ACSS3: variants seen among roughly 807,000 people sequenced by gnomAD.
ACSS3 encodes the protein acyl-CoA synthetase short-chain family member 3, mitochondrial.
In ACSS3, 64 loss-of-function variants were observed where a neutral mutation model predicts 84.2. The observed-to-expected ratio is 0.76, with a 90% CI of 0.62 to 0.94. The LOEUF is 0.94. ACSS3 is among the 40% of genes least tolerant of loss of function. ACSS3 has a pLI of 0.00. For synonymous variants in ACSS3, 317 were observed against 310.1 expected, an observed-to-expected ratio of 1.02 and a Z score of -0.23; for missense variants, 815 against 867.6, an observed-to-expected ratio of 0.94 and a Z score of 0.76.
intron 10 of ACSS3, among the ~76,000 whole-genome samples, chr12:81,218,461 G>A (rs139814137): frequency 6.6e-6 from 1 of 152,220 alleles, no homozygotes; most frequent in East Asian, 1.9e-4. Flanking sequence ...ACAATGGCTA[G>A]TTACAAAAAC....
Position 81,259,534 on chromosome 12 carries a change from C to G in ACSS3, c.*4612C>G, listed in dbSNP as rs11114808. The stretch of plus-strand genomic sequence containing the variant: ...AATATCTGACTCCCCCCAAAAATCA[C>G]ATTTTTCAGCTTTTAATAAGTCATG... On this transcript the variant is annotated 3_prime_UTR_variant, in exon 16 of 16. Coordinates refer to ENST00000548058, the MANE Select transcript of ACSS3 (RefSeq NM_024560.4). The G allele has an allele frequency of 0.2, 243,182 of 1,202,318 alleles. 25,394 individuals carry two copies. The highest frequency in any genetic ancestry group is 0.22 in the Non-Finnish European group (185,781 of 857,104). The allele number at this position is 1,202,318 out of a possible 1,614,324, so 74.5% of individuals were successfully genotyped here.
chr12:81,102,457 G>A (rs185002743), intron 1 of ACSS3, among the ~76,000 whole-genome samples: 1 of 152,254 alleles, frequency 6.6e-6, no homozygotes, highest in Middle Eastern at 3.4e-3. Context: ...AAGCATAAGT[G>A]GGGGAGGGCA....
chr12:81,118,562 G>A (rs1396938060), intron 2 of ACSS3, among the ~76,000 whole-genome samples: 1 of 152,024 alleles, frequency 6.6e-6, no homozygotes, highest in African/African-American at 2.4e-5. Context: ...ATCTTGATGG[G>A]GAGTTAGGAG....
At chr12:81,151,444 T>C (rs148634605) in intron 5 of ACSS3, among the ~76,000 whole-genome samples, 71 of 152,332 alleles carry the variant, frequency 4.7e-4, no homozygotes, top group Middle Eastern at 3.4e-3. Flanking sequence ...GAGGTCCTTA[T>C]GTTAGTCTGC....
At chr12:81,248,685 C>T (rs1328795014) in intron 13 of ACSS3, among the ~76,000 whole-genome samples, 1 of 151,774 alleles carries the variant, frequency 6.6e-6, no homozygotes, top group African/African-American at 2.4e-5. Flanking sequence ...ATGTATAGTT[C>T]AAAATAGCTA....
chr12:81,181,182 G>A (rs1172997203), intron 8 of ACSS3, among the ~76,000 whole-genome samples: 1 of 152,102 alleles, frequency 6.6e-6, no homozygotes, highest in African/African-American at 2.4e-5. Context: ...AAGAACAGTA[G>A]GATCTCTAAA....
intron 2 of ACSS3, among the ~76,000 whole-genome samples, chr12:81,134,483 C>A (rs1180793400): frequency 4.6e-5 from 7 of 152,030 alleles, no homozygotes; most frequent in Non-Finnish European, 7.4e-5. Context: ...CTGTGTCTTT[C>A]TTTTATCAGT....
chr12:81,081,141 AG>A (rs1262395671), intron 1 of ACSS3, among the ~76,000 whole-genome samples: 1 of 152,236 alleles, frequency 6.6e-6, no homozygotes, highest in African/African-American at 2.4e-5. Flanking sequence ...CAGAACCCAC[AG>A]GCTTATCAAA....
chr12:81,177,303 C>G (rs577903757), intron 8 of ACSS3, among the ~76,000 whole-genome samples: 2 of 152,178 alleles, frequency 1.3e-5, no homozygotes, highest in East Asian at 3.9e-4. Flanking sequence ...TTCTGGAAGT[C>G]CTTGACAAAG....
chr12:81,104,327 A>G (rs192445605), intron 1 of ACSS3, among the ~76,000 whole-genome samples: 107 of 152,278 alleles, frequency 7.0e-4, no homozygotes, highest in African/African-American at 2.5e-3. Context: ...AGAACCAAGA[A>G]AGGGACAGCA....
intron 7 of ACSS3, among the ~76,000 whole-genome samples, chr12:81,157,571 G>A (rs1252476025): frequency 6.6e-6 from 1 of 152,186 alleles, no homozygotes; most frequent in South Asian, 2.1e-4. Flanking sequence ...CACTTTGGGA[G>A]GTCAAGGCGG....
intron 2 of ACSS3, among the ~76,000 whole-genome samples, chr12:81,130,854 A>G (rs1469173764): frequency 6.6e-6 from 1 of 152,220 alleles, no homozygotes; most frequent in Non-Finnish European, 1.5e-5. Context: ...ATAGCTAGCC[A>G]GTTCTTCCAG....
chr12:81,108,363 C>T (rs1883270564), intron 1 of ACSS3, among the ~76,000 whole-genome samples: 1 of 151,894 alleles, frequency 6.6e-6, no homozygotes, highest in Non-Finnish European at 1.5e-5. Context: ...ACTGCAACCT[C>T]CACCTCCTGG....
chr12:81,102,992 G>A (rs970545064), intron 1 of ACSS3, among the ~76,000 whole-genome samples: 4 of 152,180 alleles, frequency 2.6e-5, no homozygotes, highest in African/African-American at 4.8e-5. Context: ...TTGTGGGAAC[G>A]TAGCCTGCTA....
Position 81,253,477 on chromosome 12 carries a change from T to C in ACSS3, c.1820-18T>C, listed in dbSNP as rs1156394295. The C allele has an allele frequency of 2.5e-6, 4 of 1,613,436 alleles. No individual in the cohort carries two copies. The Admixed American group carries it at 6.7e-5, about 27-fold the overall frequency. ...ACTAAGGTTAATTCAGTGCTTACCA[T>C]CTGAACTTTCTCTCTAGATATAAAT... On this transcript the variant is annotated intron_variant, in intron 14 of 15. Coordinates refer to ENST00000548058, the MANE Select transcript of ACSS3 (RefSeq NM_024560.4).
chr12:81,083,414 A>G (rs1003277783), intron 1 of ACSS3, among the ~76,000 whole-genome samples: 4 of 145,636 alleles, frequency 2.7e-5, no homozygotes, highest in Non-Finnish European at 6.0e-5. Flanking sequence ...CTGGAGTGCA[A>G]TGGCATGATC....
chr12:81,171,321 G>A (rs955965234), intron 7 of ACSS3, among the ~76,000 whole-genome samples: 5 of 152,002 alleles, frequency 3.3e-5, no homozygotes, highest in Non-Finnish European at 7.4e-5. Context: ...TAATATATAT[G>A]TTAATCATCA....
intron 3 of ACSS3, among the ~76,000 whole-genome samples, chr12:81,137,541 G>A (rs577322869): frequency 1.3e-4 from 20 of 152,124 alleles, no homozygotes; most frequent in African/African-American, 4.8e-4. Flanking sequence ...AAATAAATAG[G>A]CTAAAGAAAA....
chr12:81,193,818 T>C (rs2031698294), intron 8 of ACSS3, among the ~76,000 whole-genome samples: 1 of 151,922 alleles, frequency 6.6e-6, no homozygotes, highest in Non-Finnish European at 1.5e-5. Flanking sequence ...CTAATTTAAA[T>C]TTTAAATGGC....
Sources: gnomAD v4.1 joint callset for allele counts (sites outside exome capture counted in the v4.1 genomes callset) on GRCh38, gnomAD v4.1.1 for gene constraint, MANE v1.5 for transcripts, NCBI Gene and HGNC (gene_info 2026-07-23, HGNC 2026-07-21) for gene names.